The following RPS6KA1 variants were observed in gnomAD, a reference collection of about 807,000 sequenced individuals.
The protein encoded by RPS6KA1 is ribosomal protein S6 kinase alpha-1.
In RPS6KA1, 48 loss-of-function variants were observed where a neutral mutation model predicts 91.3. The observed-to-expected ratio is 0.53, with a 90% CI of 0.42 to 0.67. The LOEUF is 0.67. RPS6KA1 is among the 30% of genes least tolerant of loss of function. The probability of loss-of-function intolerance (pLI) is 0.00; values close to 1 mark genes in which losing one functional copy is unlikely to be tolerated. For missense variants in RPS6KA1, 719 were observed against 960.5 expected (o/e 0.75, Z 3.32); for synonymous variants, 359 against 384.7 (o/e 0.93, Z 0.78).
chr1:26,532,528 G>C (rs1005402500), intron 1 of RPS6KA1, among the ~76,000 whole-genome samples: 1 of 152,122 alleles, frequency 6.6e-6, no homozygotes, highest in African/African-American at 2.4e-5. Context: ...GGATGTTGGC[G>C]GACTCTCCTT....
At position 26,554,150 on chromosome 1, in the gene RPS6KA1, G is replaced by C; in HGVS notation, c.576-64G>C. On this transcript the variant is annotated intron_variant, in intron 7 of 21. Transcript: ENST00000374168. This position sits in a 1 kb window ranked among gnomAD's most constrained non-coding sequence, Gnocchi z 4.6. ...GGCTGAACCCAACTCCCACAGCCCT[G>C]TGGTAACACCATCACCCACACGGCC... 6.6e-7 allele frequency: 1 copy of C among 1,523,716 alleles called. No homozygotes were observed. The allele number at this position is 1,523,716 out of a possible 1,614,324, so 94.4% of individuals were successfully genotyped here. A position where few individuals can be genotyped will look rare whatever the true frequency, so the allele number is the denominator to read the frequency against.
intron 14 of RPS6KA1, 87 bp downstream of exon 14, chr1:26,559,024 C>A: frequency 6.7e-7 from 1 of 1,492,468 alleles, no homozygotes; most frequent in Non-Finnish European, 9.1e-7. Flanking sequence ...GAACCAGGTT[C>A]ATACCCTCAT....
At chr1:26,532,494 G>A (rs1204770028) in intron 1 of RPS6KA1, among the ~76,000 whole-genome samples, 14 of 152,170 alleles carry the variant, frequency 9.2e-5, no homozygotes, top group Admixed American at 7.9e-4. Context: ...TAGCCCAGGT[G>A]GAAGGTGCTC....
rs2076126318 is a variant in RPS6KA1, at chr1:26,558,653, G to A, written c.1085-154G>A. On this transcript the variant is annotated intron_variant, in intron 13 of 21. Coordinates refer to ENST00000374168, the MANE Select transcript of RPS6KA1 (RefSeq NM_002953.4). This position sits in a 1 kb window ranked among gnomAD's most constrained non-coding sequence, Gnocchi z 4.0. Reference sequence around the variant, plus strand: ...TCTAATAAACACATATGAGCAGTTGGGCCAAGGCCTGTGATGGACAGGCCC... The same window carrying A: ...TCTAATAAACACATATGAGCAGTTGAGCCAAGGCCTGTGATGGACAGGCCC... Among the ~76,000 whole-genome samples the A allele has an allele frequency of 6.6e-6, 1 of 152,180 alleles. No individual in the cohort carries two copies. Among genetic ancestry groups the A allele is most frequent in the South Asian group, 2.1e-4 (1 of 4,832 alleles).
intron 2 of RPS6KA1, chr1:26,545,870 C>T (rs1343791968): frequency 6.5e-6 from 10 of 1,548,968 alleles, no homozygotes; most frequent in Non-Finnish European, 8.7e-6. Context: ...TCTGCCTGCT[C>T]CTGCCATGGT....
At chr1:26,567,218 G>A (rs2076210602) in intron 17 of RPS6KA1, among the ~76,000 whole-genome samples, 1 of 151,840 alleles carries the variant, frequency 6.6e-6, no homozygotes, top group South Asian at 2.1e-4. Flanking sequence ...TAGAGACAGG[G>A]TCTTACCATG....
intron 17 of RPS6KA1, among the ~76,000 whole-genome samples, chr1:26,569,193 C>CCTCTCAGA (rs1216815111): frequency 6.6e-6 from 1 of 151,640 alleles, no homozygotes; most frequent in Non-Finnish European, 1.5e-5. Context: ...AGAAAATTGT[C>CCTCTCAGA]CTCTCAGAGC....
At position 26,554,478 on chromosome 1, in the gene RPS6KA1, C is replaced by A. The variant is rs1269468504; in HGVS notation, c.614-118C>A. On this transcript the variant is annotated intron_variant, in intron 8 of 21. Transcript: ENST00000374168. The surrounding 1 kb of genome is among the most constrained non-coding windows in gnomAD (Gnocchi z 4.6). ...TGACCTCTCTGGGCCTTAGCTTCCT[C>A]CTGAGTGTCATGGGGGTGATGCCTT... is the stretch of plus-strand genomic sequence containing the variant. 1 of 1,372,606 alleles carries A rather than the reference C, an allele frequency of 7.3e-7. No homozygotes were observed. The highest frequency in any genetic ancestry group is 1.4e-5 in the African/African-American group (1 of 69,112). 85.0% of individuals were successfully genotyped at this position (1,372,606 alleles called of 1,614,324 possible).
chr1:26,549,099 A>C (rs1328952859), intron 4 of RPS6KA1, among the ~76,000 whole-genome samples: 1 of 150,414 alleles, frequency 6.6e-6, no homozygotes, highest in East Asian at 1.9e-4. Context: ...GCAGTGACGA[A>C]TGAATAGAAT....
chr1:26,566,908 C>G (rs918428923), intron 17 of RPS6KA1, among the ~76,000 whole-genome samples: 7 of 152,214 alleles, frequency 4.6e-5, no homozygotes, highest in African/African-American at 1.2e-4. Flanking sequence ...TGCCTAAATG[C>G]ACATCCTCTC....
Position 26,546,852 on chromosome 1 carries a change from C to G in RPS6KA1, c.109-15C>G, listed in dbSNP as rs760325842. 1.2e-6 allele frequency: 2 copies of G among 1,609,076 alleles called. No homozygotes were observed. The highest frequency in any genetic ancestry group is 1.7e-6 in the Non-Finnish European group (2 of 1,175,642). On this transcript the variant is annotated splice_polypyrimidine_tract_variant and intron_variant, in intron 2 of 21. Transcript: ENST00000374168. ...ATGGGGCCCACCATGCCCACCAGCTCTGTCCCTCCATCAGGATGAGGGCGT... is the reference window on the plus strand; with the variant it reads ...ATGGGGCCCACCATGCCCACCAGCTGTGTCCCTCCATCAGGATGAGGGCGT...
rs1334661777 is a variant in RPS6KA1 at position 26,543,212 on chromosome 1, T to A, written c.109-3655T>A. On this transcript the variant is annotated intron_variant, in intron 2 of 21. Transcript: ENST00000374168. ...GGGTTGAGAGAGACTTGGTTCCCTG[T>A]CCCAGAAAGGTGAGCAGAAGAGTCG... is the stretch of plus-strand genomic sequence containing the variant. 5 of 1,535,048 alleles carry A rather than the reference T, an allele frequency of 3.3e-6. No homozygotes were observed. In the South Asian group the frequency reaches 5.9e-5, roughly 18 times the overall value.
At chr1:26,559,064 A>G (rs889936508) in intron 14 of RPS6KA1, 127 bp downstream of exon 14, 9 of 1,161,062 alleles carry the variant, frequency 7.8e-6, no homozygotes, top group Non-Finnish European at 9.5e-6. Context: ...GGCCTCCAAC[A>G]TAAAACAGGG....
intron 1 of RPS6KA1, among the ~76,000 whole-genome samples, chr1:26,532,312 C>A (rs2075873668): frequency 6.6e-6 from 1 of 152,220 alleles, no homozygotes; most frequent in African/African-American, 2.4e-5. Flanking sequence ...TGTCACCCCA[C>A]TTTAATTCTC....
intron 1 of RPS6KA1, among the ~76,000 whole-genome samples, chr1:26,532,833 C>T (rs2075878039): frequency 6.6e-6 from 1 of 152,136 alleles, no homozygotes; most frequent in Non-Finnish European, 1.5e-5. Flanking sequence ...GGTCTGGGGC[C>T]CTGGGCATCT....
intron 2 of RPS6KA1, among the ~76,000 whole-genome samples, chr1:26,542,327 T>G (rs2075954975): frequency 6.6e-6 from 1 of 152,042 alleles, no homozygotes; most frequent in African/African-American, 2.4e-5. Flanking sequence ...TCTTTCACAA[T>G]CTCCCGGCAG....
intron 17 of RPS6KA1, among the ~76,000 whole-genome samples, chr1:26,568,013 A>T (rs1194100504): frequency 6.6e-6 from 1 of 152,154 alleles, no homozygotes; most frequent in Non-Finnish European, 1.5e-5. Flanking sequence ...CTATTGCTCC[A>T]GTGCCTGCAT....
At chr1:26,536,259 C>T (rs1412943535) in intron 1 of RPS6KA1, among the ~76,000 whole-genome samples, 3 of 152,058 alleles carry the variant, frequency 2.0e-5, no homozygotes, top group Non-Finnish European at 4.4e-5. Context: ...TAGCCCCAAG[C>T]CCTCGTCTCT....
intron 15 of RPS6KA1, 97 bp downstream of exon 15, chr1:26,560,948 A>C: frequency 1.1e-5 from 17 of 1,603,482 alleles, no homozygotes; most frequent in Non-Finnish European, 1.4e-5. Context: ...CAGATGTATG[A>C]AAGGTGTGTG....
Sources: allele counts gnomAD v4.1 joint callset (sites outside exome capture counted in the v4.1 genomes callset), GRCh38; gene constraint gnomAD v4.1.1; non-coding constraint Gnocchi (gnomAD v3.1); transcripts MANE v1.5; gene names NCBI Gene and HGNC (gene_info 2026-07-23, HGNC 2026-07-21).